Variants in OGFOD1 observed in about 807,000 individuals in gnomAD.
OGFOD1 encodes the protein 2-oxoglutarate and iron dependent oxygenase domain containing 1.
A neutral mutation model predicts 67.7 loss-of-function variants in OGFOD1; 54 were observed. The ratio of observed to expected loss-of-function variants is 0.80; its 90% CI spans 0.64 to 1.00. OGFOD1 has a LOEUF of 1.00. Ranked by LOEUF, OGFOD1 falls within the 50% of genes least tolerant of loss-of-function variation. The pLI, the probability that OGFOD1 is intolerant of heterozygous loss-of-function variation, is 0.00. For missense variants in OGFOD1, 606 were observed against 646.7 expected (o/e 0.94, Z 0.68); for synonymous variants, 221 against 227.0 (o/e 0.97, Z 0.24).
chr16:56,467,462 C>T (rs375266925), intron 7 of OGFOD1, among the ~76,000 whole-genome samples, 169 bp downstream of exon 7: 6 of 148,682 alleles, frequency 4.0e-5, no homozygotes, highest in South Asian at 2.1e-4. Context: ...AGTCTTGCTC[C>T]GTCACCCAGG....
chr16:56,462,097 A>AG (rs1962730173), intron 3 of OGFOD1, among the ~76,000 whole-genome samples: 1 of 151,900 alleles, frequency 6.6e-6, no homozygotes, highest in African/African-American at 2.4e-5. Context: ...TATCTCAAAA[A>AG]AAAAAAAAGA....
Position 56,453,276 on chromosome 16 carries a change from G to A in OGFOD1, c.168G>A (p.Met56Ile), listed in dbSNP as rs147184380. Residue 56 changes from methionine to isoleucine, a missense_variant, in exon 2 of 13, where the codon ATG (methionine) becomes ATA (isoleucine). By Grantham distance (10) the Met-to-Ile change is conservative. Transcript: ENST00000566157. ...TTCTTCCAACAGAAGTCATTGTCAT[G>A]GACATGGACCCTTTTCTTCACTGTG... ...RTPFSHEVIV[M>I]DMDPFLHCVI... 1.1e-4 allele frequency: 185 copies of A among 1,609,534 alleles called. No individual in the cohort carries two copies. The highest frequency in any genetic ancestry group is 6.7e-4 in the African/African-American group (50 of 74,504).
chr16:56,469,743 G>A (rs1177843375), intron 8 of OGFOD1, among the ~76,000 whole-genome samples: 1 of 151,634 alleles, frequency 6.6e-6, no homozygotes, highest in African/African-American at 2.4e-5. Context: ...CCAGCTACTT[G>A]GGAGGCTGAG....
chr16:56,457,953 C>T (rs1254058076), intron 2 of OGFOD1, among the ~76,000 whole-genome samples: 1 of 152,208 alleles, frequency 6.6e-6, no homozygotes, highest in Non-Finnish European at 1.5e-5. Context: ...TCTGGGATTA[C>T]AGGCATGAGC....
chr16:56,456,148 C>A (rs1041636855), intron 2 of OGFOD1, among the ~76,000 whole-genome samples: 2 of 152,204 alleles, frequency 1.3e-5, no homozygotes, highest in Non-Finnish European at 2.9e-5. Flanking sequence ...GTCTCATCAG[C>A]AGCATTTGAC....
intron 4 of OGFOD1, among the ~76,000 whole-genome samples, chr16:56,464,567 C>T (rs570509142): frequency 4.5e-4 from 68 of 152,126 alleles, no homozygotes; most frequent in African/African-American, 1.6e-3. Flanking sequence ...TTTATTCATT[C>T]GTTTATATTG....
At chr16:56,470,265 A>G (rs1465640268) in intron 9 of OGFOD1, 183 bp downstream of exon 9, 5 of 662,454 alleles carry the variant, frequency 7.5e-6, no homozygotes, top group Non-Finnish European at 1.3e-5. Flanking sequence ...CTCACACCCA[A>G]TAATAGGACA....
rs1370622984 is a variant in OGFOD1, at chr16:56,475,924, A to AGG, written c.1468-119_1468-118dup. The AGG allele has an allele frequency of 1.4e-5, 12 of 872,470 alleles. No individual in the cohort carries two copies. In the African/African-American group the frequency reaches 2.0e-4, roughly 15 times the overall value. The allele number at this position is 872,470 out of a possible 1,614,324, so 54.0% of individuals were successfully genotyped here. On this transcript the variant is annotated intron_variant, in intron 12 of 12. Transcript: ENST00000566157. ...CCACCCCTAGTAAGTGTTCATTCAGAGGACCCCTCTATCCCCAGATTAAGT... is the reference window on the plus strand; with the variant it reads ...CCACCCCTAGTAAGTGTTCATTCAGAGGGGACCCCTCTATCCCCAGATTAAGT...
At chr16:56,469,857 A>C in intron 8 of OGFOD1, 146 bp from the exon 9 acceptor site, 1 of 596,496 alleles carries the variant, frequency 1.7e-6, no homozygotes, top group African/African-American at 1.9e-5. Context: ...TCTCAAAAAA[A>C]AAAAAAAAAA....
At chr16:56,470,405 C>A in intron 9 of OGFOD1, 82 bp from the exon 10 acceptor site, 2 of 1,256,616 alleles carry the variant, frequency 1.6e-6, no homozygotes, top group Admixed American at 2.2e-5. Context: ...AAGAGAGGTA[C>A]AAAGCTAACG....
At chr16:56,457,349 A>G (rs1962556701) in intron 2 of OGFOD1, among the ~76,000 whole-genome samples, 1 of 152,246 alleles carries the variant, frequency 6.6e-6, no homozygotes, top group Non-Finnish European at 1.5e-5. Flanking sequence ...ATTTATATGT[A>G]ATGTCCAGAA....
chr16:56,468,061 C>A, intron 8 of OGFOD1, 43 bp downstream of exon 8: 1 of 1,088,552 alleles, frequency 9.2e-7, no homozygotes, highest in Non-Finnish European at 1.4e-6. Context: ...GTTTGGCATG[C>A]AATTTTGCTT....
At chr16:56,466,631 A>G (rs1321758484) in intron 5 of OGFOD1, among the ~76,000 whole-genome samples, 1 of 152,222 alleles carries the variant, frequency 6.6e-6, no homozygotes. Flanking sequence ...TAGCACCAGA[A>G]GTTGACTCCA....
intron 2 of OGFOD1, among the ~76,000 whole-genome samples, chr16:56,454,031 T>C (rs1238749056): frequency 6.6e-6 from 1 of 152,132 alleles, no homozygotes; most frequent in African/African-American, 2.4e-5. Context: ...GAGTTGTACG[T>C]TGGGAGACAA....
intron 2 of OGFOD1, chr16:56,458,048 T>C (rs1962586044): frequency 6.2e-6 from 1 of 160,946 alleles, no homozygotes; most frequent in Non-Finnish European, 1.4e-5. Context: ...ATAGCTGGAA[T>C]AGGCCAGGCG....
intron 8 of OGFOD1, 38 bp downstream of exon 8, chr16:56,468,056 G>T (rs1460275893): frequency 1.7e-6 from 2 of 1,173,056 alleles, no homozygotes; most frequent in Non-Finnish European, 2.6e-6. Context: ...ATTTTGTTTG[G>T]CATGCAATTT....
rs1962372905 is a variant in OGFOD1 at position 56,452,456 on chromosome 16, CACCTTAGGT to C, written c.154+691_154+699del. Among the ~76,000 whole-genome samples, 3 of 152,350 alleles carry C rather than the reference CACCTTAGGT, an allele frequency of 2.0e-5. No individual in the cohort carries two copies. In the South Asian group the frequency reaches 6.2e-4, roughly 32 times the overall value. ...CGATTCCAGCCTCAGCTTTAAATATCACCTTAGGTGTTCAGAGCTCTGCTTCATGCGCCA... is the reference window on the plus strand; with the variant it reads ...CGATTCCAGCCTCAGCTTTAAATATCGTTCAGAGCTCTGCTTCATGCGCCA... On this transcript the variant is annotated intron_variant, in intron 1 of 12. Transcript: ENST00000566157.
At chr16:56,454,654 A>G (rs202166242) in intron 2 of OGFOD1, 1,670 of 129,374 alleles carry the variant, frequency 0.013, 13 homozygotes, top group African/African-American at 0.042. Flanking sequence ...TTGGGGGGGG[A>G]AAAAAAAAAG....
At chr16:56,458,645 G>GTA (rs1962609486) in intron 3 of OGFOD1, 51 bp downstream of exon 3, 1 of 1,424,566 alleles carries the variant, frequency 7.0e-7, no homozygotes, top group Non-Finnish European at 9.9e-7. Flanking sequence ...AGGCAGAGTA[G>GTA]TAAGTGCTTT....
Sources: gnomAD v4.1 joint callset for allele counts (sites outside exome capture counted in the v4.1 genomes callset) on GRCh38, gnomAD v4.1.1 for gene constraint, MANE v1.5 for transcripts, NCBI Gene and HGNC (gene_info 2026-07-23, HGNC 2026-07-21) for gene names.